Variants in RIPOR3 observed in about 807,000 individuals in gnomAD.
RIPOR3 encodes RIPOR family member 3, also known as family with sequence similarity 65 member C.
Under a neutral mutation model 114.3 loss-of-function variants are expected in RIPOR3, and 95 were observed. That is an observed-to-expected ratio of 0.83 (90% CI 0.70 to 0.99). The LOEUF is 0.99. Ranked by LOEUF, RIPOR3 falls within the 50% of genes least tolerant of loss-of-function variation. The probability of loss-of-function intolerance (pLI) is 0.00; values close to 1 mark genes in which losing one functional copy is unlikely to be tolerated. For synonymous variants in RIPOR3, 575 were observed against 543.8 expected (o/e 1.06, Z -0.80); for missense variants, 1,252 against 1,266.9 (o/e 0.99, Z 0.18).
At chr20:50,630,127 C>G (rs1453932879) in intron 2 of RIPOR3, among the ~76,000 whole-genome samples, 1 of 152,106 alleles carries the variant, frequency 6.6e-6, no homozygotes, top group Admixed American at 6.6e-5. Flanking sequence ...GCCACCACAT[C>G]CAACTAATTT....
At chr20:50,635,311 A>G (rs2084945695) in intron 1 of RIPOR3, among the ~76,000 whole-genome samples, 1 of 152,140 alleles carries the variant, frequency 6.6e-6, no homozygotes, top group African/African-American at 2.4e-5. Context: ...CATTCTCCCA[A>G]CACCATATGA....
chr20:50,618,638 C>T (rs953171988), intron 3 of RIPOR3, among the ~76,000 whole-genome samples: 2 of 152,242 alleles, frequency 1.3e-5, no homozygotes, highest in African/African-American at 4.8e-5. Context: ...GTGGCCCTTA[C>T]TACCATCTGA....
At chr20:50,632,797 G>C (rs2084861065) in intron 1 of RIPOR3, among the ~76,000 whole-genome samples, 1 of 152,192 alleles carries the variant, frequency 6.6e-6, no homozygotes, top group Admixed American at 6.5e-5. Context: ...ACTAGCCCAG[G>C]AGCCCCAGCA....
At chr20:50,596,562 C>A (rs937076290) in intron 14 of RIPOR3, among the ~76,000 whole-genome samples, 1 of 152,172 alleles carries the variant, frequency 6.6e-6, no homozygotes, top group African/African-American at 2.4e-5. Context: ...AGTCTGCCTC[C>A]CCAAGGCTCA....
At chr20:50,589,122 G>T (rs1191735063) in intron 20 of RIPOR3, among the ~76,000 whole-genome samples, 1 of 141,760 alleles carries the variant, frequency 7.1e-6, no homozygotes. Context: ...AAGCTAAAGT[G>T]CTGCCAGTCT....
At chr20:50,676,770 T>A (rs1044437634) in intron 1 of RIPOR3, among the ~76,000 whole-genome samples, 26 of 130,534 alleles carry the variant, frequency 2.0e-4, no homozygotes, top group South Asian at 2.4e-4. Context: ...CAGATTCTAC[T>A]TTTTTTTTTT....
chr20:50,678,416 A>G (rs1206971833), intron 1 of RIPOR3, among the ~76,000 whole-genome samples: 1 of 151,876 alleles, frequency 6.6e-6, no homozygotes, highest in Non-Finnish European at 1.5e-5. Context: ...ACCCCACCCC[A>G]CAGGCCTGTT....
At chr20:50,643,394 C>T (rs144567733) in intron 1 of RIPOR3, among the ~76,000 whole-genome samples, 4,825 of 151,062 alleles carry the variant, frequency 0.032, 255 homozygotes, top group African/African-American at 0.11. Context: ...GCCTTGGCCT[C>T]CCAAAGTGTG....
intron 2 of RIPOR3, among the ~76,000 whole-genome samples, chr20:50,628,468 G>A (rs1568889478): frequency 1.3e-5 from 2 of 151,988 alleles, no homozygotes; most frequent in Admixed American, 1.3e-4. Context: ...ATCTGCACTC[G>A]CAGCTGCCTC....
intron 7 of RIPOR3, 76 bp from the exon 8 acceptor site, chr20:50,609,432 G>A: frequency 6.4e-7 from 1 of 1,558,654 alleles, no homozygotes; most frequent in Non-Finnish European, 8.7e-7. Flanking sequence ...CCTGCAGCCA[G>A]ACAGAGGCCA....
Position 50,608,946 on chromosome 20 carries a change from C to T in RIPOR3, c.650G>A (p.Gly217Asp). 1 of 1,582,346 alleles carries T rather than the reference C, an allele frequency of 6.3e-7. No homozygotes were observed. Residue 217 changes from glycine (G) to aspartate (D), a missense_variant, in exon 9 of 22, where the codon GGC becomes GAC. Physicochemically the swap from Gly to Asp is moderately conservative, Grantham distance 94 (BLOSUM62 -1). Coordinates refer to ENST00000327979, the MANE Select transcript of RIPOR3 (RefSeq NM_001290268.2). ...GTCTCCGGGACAGAGGCGTGCGTAG[C>T]CCACCAAGCCTGGAACACAGACATG... ...EFHIRMKGLVGYARLCPGDHY... is the reference protein window; with the variant it reads ...EFHIRMKGLVDYARLCPGDHY...
At chr20:50,689,583 G>A (rs1004019151) in intron 1 of RIPOR3, among the ~76,000 whole-genome samples, 21 of 152,136 alleles carry the variant, frequency 1.4e-4, no homozygotes, top group Admixed American at 1.2e-3. Context: ...TCAGGGTTGC[G>A]GAGAGATTTT....
At chr20:50,616,221 C>T (rs2123123680) in intron 3 of RIPOR3, 141 bp from the exon 4 acceptor site, 1 of 752,704 alleles carries the variant, frequency 1.3e-6, no homozygotes. Flanking sequence ...GCCAGGCTCC[C>T]TCACACTGGG....
At chr20:50,684,783 T>C (rs2086961673) in intron 1 of RIPOR3, among the ~76,000 whole-genome samples, 1 of 152,148 alleles carries the variant, frequency 6.6e-6, no homozygotes, top group South Asian at 2.1e-4. Flanking sequence ...TTTCTGTTCC[T>C]CTTTGTTTTT....
At chr20:50,669,924 A>C (rs1225506123) in intron 1 of RIPOR3, among the ~76,000 whole-genome samples, 1 of 151,992 alleles carries the variant, frequency 6.6e-6, no homozygotes, top group Non-Finnish European at 1.5e-5. Context: ...TGGGAGGCCA[A>C]GGCGGGTGGA....
intron 11 of RIPOR3, 71 bp downstream of exon 11, chr20:50,608,318 G>T: frequency 6.3e-7 from 1 of 1,597,276 alleles, no homozygotes. Context: ...GGAACCCAGG[G>T]CCAGAGTGTG....
At chr20:50,608,981 C>A in intron 8 of RIPOR3, 26 bp from the exon 9 acceptor site, 1 of 1,559,338 alleles carries the variant, frequency 6.4e-7, no homozygotes, top group East Asian at 2.4e-5. Context: ...GGCCGGTCTC[C>A]CCTCCGCCTT....
chr20:50,594,511 GC>G, intron 17 of RIPOR3, 41 bp downstream of exon 17: 1 of 1,594,608 alleles, frequency 6.3e-7, no homozygotes. Context: ...ACTCAATACA[GC>G]CTTTCTGTGG....
chr20:50,626,431 C>T (rs2084621781), intron 2 of RIPOR3, among the ~76,000 whole-genome samples: 1 of 152,220 alleles, frequency 6.6e-6, no homozygotes, highest in African/African-American at 2.4e-5. Flanking sequence ...CACTGTGGGA[C>T]CCTTGCTGAC....
Sources: allele counts gnomAD v4.1 joint callset (sites outside exome capture counted in the v4.1 genomes callset), GRCh38; gene constraint gnomAD v4.1.1; transcripts MANE v1.5; gene names NCBI Gene and HGNC (gene_info 2026-07-23, HGNC 2026-07-21).